Variants in TNKS observed in about 807,000 individuals in gnomAD.
TNKS encodes the protein poly [ADP-ribose] polymerase tankyrase-1.
A neutral mutation model predicts 135.8 loss-of-function variants in TNKS; 72 were observed. That is an observed-to-expected ratio of 0.53 (90% confidence interval 0.44 to 0.64). The LOEUF (loss-of-function observed/expected upper bound fraction) is 0.64, where lower values mean the gene tolerates loss of function less well. Ranked by LOEUF, TNKS falls within the 30% of genes least tolerant of loss-of-function variation. The pLI is 0.00. For missense variants in TNKS, 1,769 were observed against 1,674.0 expected (o/e 1.06, Z -0.99); for synonymous variants, 849 against 649.3 (o/e 1.31, Z -4.68).
chr8:9,752,017 C>G (rs1163175522), intron 19 of TNKS, among the ~76,000 whole-genome samples, 171 bp downstream of exon 19: 1 of 152,162 alleles, frequency 6.6e-6, no homozygotes, highest in Non-Finnish European at 1.5e-5. Context: ...TGCCACGTTT[C>G]TTGGCATTGT....
At chr8:9,588,805 C>T (rs1430607999) in intron 2 of TNKS, among the ~76,000 whole-genome samples, 1 of 152,108 alleles carries the variant, frequency 6.6e-6, no homozygotes, top group Non-Finnish European at 1.5e-5. Flanking sequence ...CAGACTGTTC[C>T]ATCTCTAATG....
intron 1 of TNKS, among the ~76,000 whole-genome samples, chr8:9,561,095 C>T (rs2129049281): frequency 6.6e-6 from 1 of 152,244 alleles, no homozygotes; most frequent in East Asian, 1.9e-4. Context: ...CATGTGTATT[C>T]CTACATATAT....
chr8:9,758,947 G>T (rs558353340), intron 20 of TNKS, among the ~76,000 whole-genome samples: 1 of 152,272 alleles, frequency 6.6e-6, no homozygotes, highest in East Asian at 1.9e-4. Context: ...GACTCTACTG[G>T]AGAAGGATCC....
intron 20 of TNKS, among the ~76,000 whole-genome samples, chr8:9,757,136 C>T (rs187585744): frequency 6.6e-6 from 1 of 152,076 alleles, no homozygotes; most frequent in Admixed American, 6.5e-5. Flanking sequence ...GCCACCATAC[C>T]CGGCTAATTT....
In TNKS at chr8:9,624,804, CCT is replaced by C. The variant is rs551273333; in HGVS notation, c.994+9128_994+9129del. Among the ~76,000 whole-genome samples, 258 of 152,140 alleles carry C rather than the reference CCT, an allele frequency of 1.7e-3. 2 individuals are homozygous for C. The highest frequency in any genetic ancestry group is 2.1e-3 in the Non-Finnish European group (140 of 68,002). On this transcript the variant is annotated intron_variant, in intron 3 of 26. Coordinates refer to ENST00000310430, the MANE Select transcript of TNKS (RefSeq NM_003747.3). ...CCCTGAAGATGCAGATGTTCAAATC[CCT>C]TATAAAAAGTTACATAGTATAACCT...
chr8:9,584,154 ACT>A (rs1441324481), intron 2 of TNKS, among the ~76,000 whole-genome samples: 3 of 136,188 alleles, frequency 2.2e-5, no homozygotes, highest in Non-Finnish European at 4.7e-5. Flanking sequence ...ACAGAGCAAG[ACT>A]CTGTCTTTAA....
intron 5 of TNKS, among the ~76,000 whole-genome samples, chr8:9,690,632 A>AT (rs1307171913): frequency 6.6e-6 from 1 of 152,048 alleles, no homozygotes; most frequent in Non-Finnish European, 1.5e-5. Context: ...GCAGGCACCT[A>AT]TAATCCTAGC....
chr8:9,596,419 A>G (rs1019102991), intron 2 of TNKS, among the ~76,000 whole-genome samples: 2 of 152,230 alleles, frequency 1.3e-5, no homozygotes, highest in Non-Finnish European at 2.9e-5. Context: ...ATTAAGTATA[A>G]TAATTGTATT....
At chr8:9,652,969 T>C (rs565054379) in intron 3 of TNKS, among the ~76,000 whole-genome samples, 1 of 152,300 alleles carries the variant, frequency 6.6e-6, no homozygotes, top group Admixed American at 6.5e-5. Context: ...CTAGAGGTTA[T>C]CCTCCTTGTT....
At chr8:9,762,494 G>T (rs764823276) in intron 21 of TNKS, among the ~76,000 whole-genome samples, 1 of 131,760 alleles carries the variant, frequency 7.6e-6, no homozygotes, top group Non-Finnish European at 1.6e-5. Context: ...TGTGATGTCA[G>T]TGCCTGTTTT....
intron 11 of TNKS, 142 bp downstream of exon 11, chr8:9,710,362 C>T: frequency 1.4e-6 from 1 of 728,670 alleles, no homozygotes; most frequent in Admixed American, 2.6e-5. Context: ...ATGGATTCTC[C>T]TATAAAGCTG....
At chr8:9,716,429 A>T (rs1024603436) in intron 11 of TNKS, among the ~76,000 whole-genome samples, 3 of 152,180 alleles carry the variant, frequency 2.0e-5, no homozygotes, top group Admixed American at 2.0e-4. Flanking sequence ...TCCCAGAGAC[A>T]TTTTAGTTCT....
chr8:9,574,981 A>G (rs867448207), intron 1 of TNKS: 1 of 931,280 alleles, frequency 1.1e-6, no homozygotes, highest in Non-Finnish European at 1.3e-6. Context: ...GATGCTAAGA[A>G]TGTGGAAAGA....
At chr8:9,708,851 A>C (rs1385397674) in intron 9 of TNKS, among the ~76,000 whole-genome samples, 2 of 152,066 alleles carry the variant, frequency 1.3e-5, no homozygotes, top group African/African-American at 4.8e-5. Flanking sequence ...TCTGTAGAAG[A>C]TTAAAGTATA....
At chr8:9,571,361 ATAAAG>A (rs1797750740) in intron 1 of TNKS, among the ~76,000 whole-genome samples, 1 of 152,212 alleles carries the variant, frequency 6.6e-6, no homozygotes, top group Non-Finnish European at 1.5e-5. Flanking sequence ...ACTGACATAC[ATAAAG>A]TAAAGGAATT....
In TNKS at chr8:9,755,081, A is replaced by G. The variant is rs533524993; in HGVS notation, c.3153+2455A>G. On this transcript the variant is annotated intron_variant, in intron 20 of 26. Transcript: ENST00000310430. ...ACCTTAACTCAAACAAATAATTCCA[A>G]TTTACTGATGAAAGTTTTCTAAAGA... is the stretch of plus-strand genomic sequence containing the variant. Among the ~76,000 whole-genome samples the G allele has an allele frequency of 6.6e-5, 10 of 152,212 alleles. No individual in the cohort carries two copies. In the East Asian group the frequency reaches 1.5e-3, roughly 23 times the overall value.
intron 20 of TNKS, among the ~76,000 whole-genome samples, chr8:9,753,702 C>G (rs1806675404): frequency 6.6e-6 from 1 of 152,050 alleles, no homozygotes; most frequent in Non-Finnish European, 1.5e-5. Context: ...GTAGGGATCA[C>G]CCTTGTATAA....
intron 3 of TNKS, among the ~76,000 whole-genome samples, chr8:9,659,969 A>G (rs1418295933): frequency 6.6e-6 from 1 of 152,266 alleles, no homozygotes; most frequent in Non-Finnish European, 1.5e-5. Context: ...CTCTATGCAA[A>G]TAAACTAGAA....
chr8:9,748,981 C>A (rs895361001), intron 18 of TNKS, among the ~76,000 whole-genome samples: 1 of 152,156 alleles, frequency 6.6e-6, no homozygotes, highest in Non-Finnish European at 1.5e-5. Flanking sequence ...CATGTGGCAT[C>A]TCATCATTAA....
Sources: allele counts gnomAD v4.1 joint callset (sites outside exome capture counted in the v4.1 genomes callset), GRCh38; gene constraint gnomAD v4.1.1; transcripts MANE v1.5; gene names NCBI Gene and HGNC (gene_info 2026-07-23, HGNC 2026-07-21).